CFAP299: variants seen among roughly 807,000 people sequenced by gnomAD.
CFAP299 encodes the protein cilia and flagella associated protein 299.
In CFAP299, 21 loss-of-function variants were observed where a neutral mutation model predicts 27.0. That is an observed-to-expected ratio of 0.78 (90% confidence interval 0.55 to 1.12). The LOEUF (loss-of-function observed/expected upper bound fraction) is 1.12, where lower values mean the gene tolerates loss of function less well. Ranked by LOEUF, CFAP299 falls within the 50% of genes most tolerant of loss-of-function variation. The probability of loss-of-function intolerance (pLI) is 0.00; values close to 1 mark genes in which losing one functional copy is unlikely to be tolerated. For missense variants in CFAP299, 310 were observed against 276.6 expected, an observed-to-expected ratio of 1.12 and a Z score of -0.86; for synonymous variants, 104 against 98.1, an observed-to-expected ratio of 1.06 and a Z score of -0.36.
At chr4:80,385,502 A>G (rs1724924814) in intron 2 of CFAP299, among the ~76,000 whole-genome samples, 2 of 151,900 alleles carry the variant, frequency 1.3e-5, no homozygotes, top group African/African-American at 4.8e-5. Context: ...ATATTTCATC[A>G]TACTGGATCC....
intron 2 of CFAP299, among the ~76,000 whole-genome samples, chr4:80,546,334 A>G (rs555731873): frequency 1.2e-3 from 180 of 152,302 alleles, no homozygotes; most frequent in African/African-American, 4.2e-3. Context: ...CACCAATACT[A>G]TTCAACCTCA....
At chr4:80,572,073 G>C (rs1735607841) in intron 2 of CFAP299, among the ~76,000 whole-genome samples, 1 of 151,976 alleles carries the variant, frequency 6.6e-6, no homozygotes, top group African/African-American at 2.4e-5. Context: ...CACAGGGTAG[G>C]TATATATATT....
In CFAP299 at chr4:80,944,796, GT is replaced by G; in HGVS notation, c.477-11del. 6.4e-7 allele frequency: 1 copy of G among 1,571,148 alleles called. No homozygotes were observed. Among genetic ancestry groups the G allele is most frequent in the Non-Finnish European group, 8.7e-7 (1 of 1,153,506 alleles). The stretch of plus-strand genomic sequence containing the variant: ...TTATACATCTTAATTCCTAATAAAT[GT>G]TTATTTTTATAGCTTTTACAACTGG... On this transcript the variant is annotated splice_polypyrimidine_tract_variant and intron_variant, in intron 4 of 5. Transcript: ENST00000358105.
chr4:80,882,637 CA>C (rs36077837), intron 4 of CFAP299, among the ~76,000 whole-genome samples: 5,460 of 124,414 alleles, frequency 0.044, 224 homozygotes, highest in African/African-American at 0.11. Flanking sequence ...GACTCCGTCT[CA>C]AAAAAAAAAA....
At chr4:80,797,218 CA>C (rs1727917662) in intron 3 of CFAP299, among the ~76,000 whole-genome samples, 1 of 152,126 alleles carries the variant, frequency 6.6e-6, no homozygotes, top group Non-Finnish European at 1.5e-5. Context: ...GAAAGATTAA[CA>C]GCATAAATTG....
intron 3 of CFAP299, among the ~76,000 whole-genome samples, chr4:80,867,062 T>A (rs1050286332): frequency 1.3e-5 from 2 of 152,208 alleles, no homozygotes; most frequent in African/African-American, 4.8e-5. Context: ...ATAATGGCAG[T>A]GAATTCATCA....
intron 3 of CFAP299, among the ~76,000 whole-genome samples, chr4:80,825,521 A>G (rs993025162): frequency 6.6e-6 from 1 of 152,010 alleles, no homozygotes; most frequent in African/African-American, 2.4e-5. Flanking sequence ...ATTCACATAC[A>G]AGAGATTTTC....
At chr4:80,809,895 T>C (rs1301528328) in intron 3 of CFAP299, among the ~76,000 whole-genome samples, 1 of 152,090 alleles carries the variant, frequency 6.6e-6, no homozygotes, top group Non-Finnish European at 1.5e-5. Context: ...TCCAGCCACA[T>C]CACTTACCAG....
chr4:80,431,298 C>T (rs936851369), intron 2 of CFAP299, among the ~76,000 whole-genome samples: 5 of 152,058 alleles, frequency 3.3e-5, no homozygotes, highest in African/African-American at 1.2e-4. Flanking sequence ...ATTTGCAAGG[C>T]TTTTCTTCCT....
At chr4:80,753,872 C>T (rs28534741) in intron 3 of CFAP299, among the ~76,000 whole-genome samples, 22,238 of 152,028 alleles carry the variant, frequency 0.15, 2,664 homozygotes, top group African/African-American at 0.33. Context: ...TTCCTTCCTC[C>T]TGCTAAAATT....
chr4:80,907,588 CA>C lies in CFAP299; in HGVS notation c.477-37221del, dbSNP rs956101733. Among the ~76,000 whole-genome samples the C allele has an allele frequency of 8.5e-5, 13 of 152,252 alleles. 1 individual carries two copies. Among genetic ancestry groups the C allele is most frequent in the African/African-American group, 3.1e-4 (13 of 41,544 alleles). On this transcript the variant is annotated intron_variant, in intron 4 of 5. Coordinates refer to ENST00000358105, the MANE Select transcript of CFAP299 (RefSeq NM_152770.3). ...ATCATGGCAGAAGGGGAAGCATGCA[CA>C]TCCTTCTTCACATGGCAGCAGGAAG...
chr4:80,381,995 G>T (rs1218466349), intron 2 of CFAP299, among the ~76,000 whole-genome samples: 5 of 152,110 alleles, frequency 3.3e-5, no homozygotes, highest in Non-Finnish European at 5.9e-5. Flanking sequence ...ATGACAAAAA[G>T]ATTTTAAAAG....
intron 4 of CFAP299, among the ~76,000 whole-genome samples, chr4:80,944,307 C>T (rs773963147): frequency 2.0e-5 from 3 of 150,894 alleles, no homozygotes; most frequent in East Asian, 4.1e-4. Context: ...GATCACATCA[C>T]GTTTGGCTCA....
intron 4 of CFAP299, among the ~76,000 whole-genome samples, chr4:80,876,791 C>A (rs2110172977): frequency 6.6e-6 from 1 of 152,178 alleles, no homozygotes; most frequent in Admixed American, 6.5e-5. Flanking sequence ...AAATCCATAT[C>A]CCAATCCTTC....
intron 3 of CFAP299, among the ~76,000 whole-genome samples, chr4:80,648,349 T>G (rs1210313252): frequency 6.6e-6 from 1 of 152,198 alleles, no homozygotes; most frequent in African/African-American, 2.4e-5. Flanking sequence ...GCCTTATTTA[T>G]GGTTTTAAAA....
At chr4:80,577,397 A>ATTTTTTTTTTTTTTTTTTTTTTTTTTTT (rs34922224) in intron 2 of CFAP299, among the ~76,000 whole-genome samples, 2 of 98,824 alleles carry the variant, frequency 2.0e-5, no homozygotes, top group Non-Finnish European at 3.7e-5. Flanking sequence ...ATTAGAAAAC[A>ATTTTTTTTTTTTTTTTTTTTTTTTTTTT]TTTTTTTTTT....
intron 3 of CFAP299, among the ~76,000 whole-genome samples, chr4:80,740,813 T>C (rs1378922722): frequency 6.6e-6 from 1 of 152,154 alleles, no homozygotes; most frequent in African/African-American, 2.4e-5. Context: ...CCTCTCCTGG[T>C]GGTCATTACC....
At chr4:80,404,262 AT>A (rs1172755437) in intron 2 of CFAP299, among the ~76,000 whole-genome samples, 4 of 151,938 alleles carry the variant, frequency 2.6e-5, no homozygotes, top group Non-Finnish European at 5.9e-5. Context: ...TATAATTCCT[AT>A]TTTTTATTTG....
intron 3 of CFAP299, among the ~76,000 whole-genome samples, chr4:80,632,951 G>T (rs959075427): frequency 1.6e-4 from 24 of 152,022 alleles, no homozygotes; most frequent in African/African-American, 5.3e-4. Flanking sequence ...ATAATATAAT[G>T]AATGGGCAAT....
Sources: allele counts gnomAD v4.1 joint callset (sites outside exome capture counted in the v4.1 genomes callset), GRCh38; gene constraint gnomAD v4.1.1; transcripts MANE v1.5; gene names NCBI Gene and HGNC (gene_info 2026-07-23, HGNC 2026-07-21).